The following SLC7A2 variants were observed in gnomAD, a reference collection of about 807,000 sequenced individuals.
SLC7A2 encodes cationic amino acid transporter 2.
SLC7A2 carries 48 observed loss-of-function variants against 58.9 expected under a neutral mutation model. The ratio of observed to expected loss-of-function variants is 0.82; its 90% CI spans 0.65 to 1.04. The LOEUF (loss-of-function observed/expected upper bound fraction) is 1.04, where lower values mean the gene tolerates loss of function less well. Ranked by LOEUF, SLC7A2 falls within the 50% of genes least tolerant of loss-of-function variation. The pLI, the probability that SLC7A2 is intolerant of heterozygous loss-of-function variation, is 0.00. For missense variants in SLC7A2, 1,029 were observed against 818.8 expected (o/e 1.26, Z -3.13); for synonymous variants, 363 against 314.5 (o/e 1.15, Z -1.63).
At chr8:17,500,799 T>TAC (rs60002166) in intron 1 of SLC7A2, among the ~76,000 whole-genome samples, 7,490 of 145,926 alleles carry the variant, frequency 0.051, 215 homozygotes, top group Middle Eastern at 0.067. Flanking sequence ...AACACACACA[T>TAC]ACACACACAC....
chr8:17,565,070 C>A lies in SLC7A2; in HGVS notation c.1901C>A (p.Ala634Asp). 1 of 1,613,872 alleles carries A rather than the reference C, an allele frequency of 6.2e-7. No homozygotes were observed. The change falls in exon 13 of 13, where the codon GCC (alanine) becomes GAC (aspartate). Residue 634 changes from alanine (A) to aspartate (D), a missense_variant. Transcript: ENST00000494857. Reference protein sequence around the residue: ...NVHAAAEEKSAIQANDHHPRN... With the variant: ...NVHAAAEEKSDIQANDHHPRN... ...CATGCAGCAGCAGAAGAAAAATCTGCCATTCAAGCAAATGACCATCACCCA... is the reference window on the plus strand; with the variant it reads ...CATGCAGCAGCAGAAGAAAAATCTGACATTCAAGCAAATGACCATCACCCA...
At chr8:17,557,186 CAG>C (rs1802747611) in intron 8 of SLC7A2, among the ~76,000 whole-genome samples, 1 of 152,132 alleles carries the variant, frequency 6.6e-6, no homozygotes, top group Non-Finnish European at 1.5e-5. Context: ...AATGAGATCA[CAG>C]AGATTTAAAT....
At chr8:17,507,706 A>G (rs1411253228) in intron 2 of SLC7A2, among the ~76,000 whole-genome samples, 2 of 152,220 alleles carry the variant, frequency 1.3e-5, no homozygotes, top group Non-Finnish European at 2.9e-5. Flanking sequence ...CAAATGAGTA[A>G]ATTTTAAAAA....
At chr8:17,520,967 C>A (rs752484075) in intron 2 of SLC7A2, among the ~76,000 whole-genome samples, 1 of 152,008 alleles carries the variant, frequency 6.6e-6, no homozygotes. Flanking sequence ...ACGGAAATGA[C>A]CTTATATAAG....
intron 2 of SLC7A2, among the ~76,000 whole-genome samples, chr8:17,541,522 C>G (rs908942515): frequency 9.2e-5 from 14 of 152,236 alleles, no homozygotes; most frequent in African/African-American, 3.1e-4. Flanking sequence ...AGGAACGTGT[C>G]CTCTATTTTT....
At chr8:17,553,746 C>G (rs1460061543) in intron 7 of SLC7A2, among the ~76,000 whole-genome samples, 1 of 152,092 alleles carries the variant, frequency 6.6e-6, no homozygotes, top group African/African-American at 2.4e-5. Flanking sequence ...CTACTGCACT[C>G]CATCCTGGGT....
At chr8:17,502,721 G>T (rs1284383868) in intron 2 of SLC7A2, among the ~76,000 whole-genome samples, 1 of 152,100 alleles carries the variant, frequency 6.6e-6, no homozygotes, top group Non-Finnish European at 1.5e-5. Flanking sequence ...TTATTTAAAG[G>T]AATCCTGGAA....
chr8:17,498,021 C>G (rs2150630793), intron 1 of SLC7A2, among the ~76,000 whole-genome samples: 1 of 152,120 alleles, frequency 6.6e-6, no homozygotes, highest in Middle Eastern at 3.4e-3. Context: ...TTCAACTCGT[C>G]GAAAAGAAAT....
chr8:17,513,646 C>T (rs1009283068), intron 2 of SLC7A2, among the ~76,000 whole-genome samples: 3 of 152,160 alleles, frequency 2.0e-5, no homozygotes, highest in Non-Finnish European at 2.9e-5. Flanking sequence ...CAAGTAGAAT[C>T]TGCTGAGATG....
rs1803293591 is a variant in SLC7A2 at position 17,566,966 on chromosome 8, T to G, written c.*1820T>G. The G allele has an allele frequency of 1.3e-5, 2 of 152,578 alleles. No individual in the cohort carries two copies. Among genetic ancestry groups the G allele is most frequent in the Non-Finnish European group, 2.9e-5 (2 of 68,042 alleles). The allele number at this position is 152,578 out of a possible 1,614,324, so 9.5% of individuals were successfully genotyped here. ...CATTAAAAAGCAAGTTGCGATGGTT[T>G]TGTATAGCCAGGAGTTTATTGTGAT... On this transcript the variant is annotated 3_prime_UTR_variant, in exon 13 of 13. Coordinates refer to ENST00000494857, the MANE Select transcript of SLC7A2 (RefSeq NM_001370338.1).
intron 2 of SLC7A2, among the ~76,000 whole-genome samples, chr8:17,519,253 T>C (rs2588214): frequency 6.6e-6 from 1 of 152,078 alleles, no homozygotes; most frequent in Non-Finnish European, 1.5e-5. Context: ...CAGTTAGGTT[T>C]ATATATGTAA....
At chr8:17,554,974 C>T (rs745516478) in intron 8 of SLC7A2, 7 of 1,613,710 alleles carry the variant, frequency 4.3e-6, no homozygotes, top group East Asian at 2.2e-5. Context: ...TCCTTTACCC[C>T]GAATTCTGTT....
In SLC7A2 at chr8:17,550,607, C is replaced by G. The variant is rs114514450; in HGVS notation, c.832+173C>G. Among the ~76,000 whole-genome samples the G allele has an allele frequency of 6.3e-3, 953 of 152,326 alleles. 7 individuals carry two copies. The highest frequency in any genetic ancestry group is 0.022 in the African/African-American group (911 of 41,564). ...GATGATAAAAAGAAAGAATGCAACTCTCTGCCCTTGGTTTCCAGTTAGTAA... is the reference window on the plus strand; with the variant it reads ...GATGATAAAAAGAAAGAATGCAACTGTCTGCCCTTGGTTTCCAGTTAGTAA... On this transcript the variant is annotated intron_variant, in intron 6 of 12. Coordinates refer to ENST00000494857, the MANE Select transcript of SLC7A2 (RefSeq NM_001370338.1).
At chr8:17,561,867 A>G in intron 10 of SLC7A2, 77 bp from the exon 11 acceptor site, 2 of 1,368,742 alleles carry the variant, frequency 1.5e-6, no homozygotes, top group Non-Finnish European at 2.0e-6. Flanking sequence ...GTGTTTTATC[A>G]GAATATGCTG....
rs1183478822 is a variant in SLC7A2 at position 17,564,704 on chromosome 8, T to C, written c.1781-246T>C. ...ACAGGAGGCAGAGCTCAGGTGGTAATGTTCACAATGGGGAGTGGCTGTAAA... is the reference window on the plus strand; with the variant it reads ...ACAGGAGGCAGAGCTCAGGTGGTAACGTTCACAATGGGGAGTGGCTGTAAA... On this transcript the variant is annotated intron_variant, in intron 12 of 12. Coordinates refer to ENST00000494857, the MANE Select transcript of SLC7A2 (RefSeq NM_001370338.1). 2.6e-5 allele frequency among the ~76,000 whole-genome samples: 4 copies of C among 152,234 alleles called. No homozygotes were observed. In the East Asian group the frequency reaches 7.7e-4, roughly 29 times the overall value.
rs1318394071 is a variant in SLC7A2 at position 17,558,400 on chromosome 8, G to T, written c.1298+3G>T. On this transcript the variant is annotated splice_donor_region_variant and intron_variant, in intron 9 of 12. Transcript: ENST00000494857. ...GCAGCCTGTGTTCTCATCCTCAGGT[G>T]AGTCACCTGGTGGTTCTACAGGGTG... 6.3e-7 allele frequency: 1 copy of T among 1,594,236 alleles called. No individual in the cohort carries two copies. Among genetic ancestry groups the T allele is most frequent in the Non-Finnish European group, 8.6e-7 (1 of 1,162,896 alleles).
intron 10 of SLC7A2, 101 bp from the exon 11 acceptor site, chr8:17,561,843 G>T: frequency 9.5e-7 from 1 of 1,057,608 alleles, no homozygotes. Flanking sequence ...CCAAGTAGAT[G>T]TGTACAGAAG....
chr8:17,495,635 C>T (rs1799938702), upstream of SLC7A2, among the ~76,000 whole-genome samples: 1 of 152,136 alleles, frequency 6.6e-6, no homozygotes, highest in Non-Finnish European at 1.5e-5. Context: ...CTGCAACCTC[C>T]GCCTCCTGGG....
chr8:17,549,514 C>A (rs1186561712), intron 5 of SLC7A2, among the ~76,000 whole-genome samples: 1 of 152,084 alleles, frequency 6.6e-6, no homozygotes, highest in African/African-American at 2.4e-5. Context: ...TCTTTTCCCC[C>A]CAGCAGTTTG....
Sources: allele counts gnomAD v4.1 joint callset (sites outside exome capture counted in the v4.1 genomes callset), GRCh38; gene constraint gnomAD v4.1.1; transcripts MANE v1.5; gene names NCBI Gene and HGNC (gene_info 2026-07-23, HGNC 2026-07-21).